ZNF468: variants seen among roughly 807,000 people sequenced by gnomAD.
ZNF468 encodes the protein zinc finger protein 468.
Under a neutral mutation model 7.2 loss-of-function variants are expected in ZNF468, and 8 were observed. The observed-to-expected ratio is 1.11, with a 90% confidence interval of 0.65 to 2.01. The LOEUF (loss-of-function observed/expected upper bound fraction) is 2.01, where lower values mean the gene tolerates loss of function less well. ZNF468 is among the 30% of genes most tolerant of loss of function. ZNF468 has a pLI of 0.00. For missense variants in ZNF468, 608 were observed against 626.5 expected (o/e 0.97, Z 0.31); for synonymous variants, 218 against 214.4 (o/e 1.02, Z -0.15).
intron 3 of ZNF468, among the ~76,000 whole-genome samples, chr19:52,843,479 T>C (rs776930456): frequency 1.3e-5 from 2 of 152,028 alleles, no homozygotes; most frequent in South Asian, 2.1e-4. Context: ...GTGATCCACA[T>C]GTCTTGGCCT....
chr19:52,854,238 C>T lies in ZNF468; in HGVS notation c.15+20G>A. 1 of 1,613,836 alleles carries T rather than the reference C, an allele frequency of 6.2e-7. No homozygotes were observed. The highest frequency in any genetic ancestry group is 8.5e-7 in the Non-Finnish European group (1 of 1,179,834). On this transcript the variant is annotated intron_variant, in intron 2 of 3. Coordinates refer to ENST00000595646, the MANE Select transcript of ZNF468 (RefSeq NM_001008801.2). ...CTGAAAGGAAGGAGACAGAACAATC[C>T]ACCGAGGATATCATCTCACCTGAGG...
chr19:52,851,141 T>A (rs2063386639), intron 2 of ZNF468, among the ~76,000 whole-genome samples: 1 of 151,990 alleles, frequency 6.6e-6, no homozygotes, highest in East Asian at 1.9e-4. Context: ...CCACGGGTGA[T>A]GGCACGTGAC....
At chr19:52,852,619 T>A (rs2063399401) in intron 2 of ZNF468, among the ~76,000 whole-genome samples, 1 of 151,170 alleles carries the variant, frequency 6.6e-6, no homozygotes, top group Non-Finnish European at 1.5e-5. Flanking sequence ...GATGTTGCAG[T>A]GAGCCGAGAT....
chr19:52,847,473 A>G (rs62117474), intron 3 of ZNF468, among the ~76,000 whole-genome samples: 11,092 of 136,208 alleles, frequency 0.081, 901 homozygotes, highest in African/African-American at 0.13. Context: ...ACCTGTAAAG[A>G]GCCTGTGCTG....
rs2063279725 is a variant in ZNF468, at chr19:52,839,877, C to G, written c.*848G>C. On this transcript the variant is annotated 3_prime_UTR_variant, in exon 4 of 4. Coordinates refer to ENST00000595646, the MANE Select transcript of ZNF468 (RefSeq NM_001008801.2). Reference sequence around the variant, plus strand: ...GCCACATTTATTACACTTGTAAGATCTCTTCACTGTGGATTCTCCAATGAT... The same window carrying G: ...GCCACATTTATTACACTTGTAAGATGTCTTCACTGTGGATTCTCCAATGAT... The G allele has an allele frequency of 1.3e-6, 1 of 748,968 alleles. No homozygotes were observed. Among genetic ancestry groups the G allele is most frequent in the Non-Finnish European group, 2.1e-6 (1 of 467,560 alleles). 46.4% of individuals were successfully genotyped at this position (748,968 alleles called of 1,614,324 possible).
At chr19:52,852,263 G>A (rs532627673) in intron 2 of ZNF468, among the ~76,000 whole-genome samples, 1 of 152,050 alleles carries the variant, frequency 6.6e-6, no homozygotes, top group Non-Finnish European at 1.5e-5. Context: ...CTACTTGAGA[G>A]TCTGAGGCAG....
chr19:52,857,375 C>G (rs867425277), intron 1 of ZNF468, among the ~76,000 whole-genome samples, 197 bp downstream of exon 1: 5 of 152,154 alleles, frequency 3.3e-5, no homozygotes, highest in African/African-American at 4.8e-5. Flanking sequence ...CAGAAAGACC[C>G]GGGACGGGAC....
At chr19:52,853,800 A>G in intron 2 of ZNF468, 2 of 1,135,300 alleles carry the variant, frequency 1.8e-6, no homozygotes, top group Non-Finnish European at 2.2e-6. Flanking sequence ...AACTCACTCC[A>G]TTACCTAAAA....
intron 2 of ZNF468, among the ~76,000 whole-genome samples, chr19:52,852,339 C>T (rs1600531758): frequency 2.0e-5 from 3 of 151,870 alleles, no homozygotes; most frequent in Admixed American, 2.0e-4. Flanking sequence ...ATACTCCAAC[C>T]TGGGCAACAA....
At position 52,841,294 on chromosome 19, in the gene ZNF468, C is replaced by A. The variant is rs768804334; in HGVS notation, c.1000G>T (p.Glu334Ter). The A allele has an allele frequency of 6.9e-6, 11 of 1,605,196 alleles. No individual in the cohort carries two copies. The South Asian group carries it at 9.9e-5, about 14-fold the overall frequency. ...EKPYKCKVCDEAFAYNSYLAK... is the reference protein window; with the variant it reads ...EKPYKCKVCD ...AGATATGAATTATATGCGAAAGCCT[C>A]ATCACAAACCTTACATTTGTATGGT... Residue 334 changes from glutamate to a stop codon, truncating the protein, a stop_gained, in exon 4 of 4, where the codon GAG (glutamate) becomes TAG (stop). Transcript: ENST00000595646. LOFTEE classifies it low-confidence loss of function (END_TRUNC).
chr19:52,848,760 A>C (rs958719406), intron 3 of ZNF468, among the ~76,000 whole-genome samples: 3 of 152,084 alleles, frequency 2.0e-5, no homozygotes, highest in African/African-American at 7.2e-5. Flanking sequence ...CATGTTGATC[A>C]TGCTGGTCTC....
chr19:52,847,600 T>C (rs552788656), intron 3 of ZNF468, among the ~76,000 whole-genome samples: 85 of 152,242 alleles, frequency 5.6e-4, no homozygotes, highest in African/African-American at 1.9e-3. Flanking sequence ...TTCCCATTCA[T>C]TCTCTTCTGA....
intron 1 of ZNF468, among the ~76,000 whole-genome samples, chr19:52,857,359 C>A (rs1469839083): frequency 6.6e-6 from 1 of 152,244 alleles, no homozygotes; most frequent in Non-Finnish European, 1.5e-5. Context: ...ATACATTGCC[C>A]TATGGCAGAA....
chr19:52,842,223 C>G (rs2147726954), intron 3 of ZNF468, 72 bp from the exon 4 acceptor site: 2 of 1,297,090 alleles, frequency 1.5e-6, no homozygotes, highest in East Asian at 5.0e-5. Context: ...GTGTAAATAT[C>G]ACAGAAAAAA....
chr19:52,841,308 C>T lies in ZNF468; in HGVS notation c.986G>A (p.Cys329Tyr), dbSNP rs201855487. 6.2e-7 allele frequency: 1 copy of T among 1,613,838 alleles called. No individual in the cohort carries two copies. The highest frequency in any genetic ancestry group is 2.2e-5 in the East Asian group (1 of 44,846). Residue 329 changes from cysteine (C) to tyrosine (Y), a missense_variant, in exon 4 of 4, where the codon TGT becomes TAT. Transcript: ENST00000595646. ...TGCGAAAGCCTCATCACAAACCTTA[C>T]ATTTGTATGGTTTCTCTCCAGTATG... ...RIHTGEKPYK[C>Y]KVCDEAFAYN...
intron 2 of ZNF468, among the ~76,000 whole-genome samples, chr19:52,849,825 C>A (rs2063371401): frequency 6.6e-6 from 1 of 151,852 alleles, no homozygotes; most frequent in Non-Finnish European, 1.5e-5. Flanking sequence ...GATGGCTTGA[C>A]CCTGAGGGTG....
At chr19:52,845,531 G>A (rs1695142303) in intron 3 of ZNF468, among the ~76,000 whole-genome samples, 1 of 151,874 alleles carries the variant, frequency 6.6e-6, no homozygotes. Context: ...TAGTGGTGCA[G>A]GCCTGTAGTC....
At position 52,840,937 on chromosome 19, in the gene ZNF468, G is replaced by A; in HGVS notation, c.1357C>T (p.His453Tyr). The A allele has an allele frequency of 6.2e-7, 1 of 1,613,604 alleles. No individual in the cohort carries two copies. The highest frequency in any genetic ancestry group is 8.5e-7 in the Non-Finnish European group (1 of 1,179,856). The change falls in exon 4 of 4, where the codon CAC becomes TAC. Residue 453 changes from histidine (H) to tyrosine (Y), a missense_variant. His to Tyr is a moderately conservative substitution (Grantham distance 83, BLOSUM62 2). Coordinates refer to ENST00000595646, the MANE Select transcript of ZNF468 (RefSeq NM_001008801.2). ...VCDKAFQRDS[H>Y]LAQHQRVHTG... ...TGAACTCTCTGATGTTGTGCCAGGT[G>A]TGAATCCCTCTGGAAAGCCTTGTCA...
At chr19:52,853,013 C>A (rs2063403253) in intron 2 of ZNF468, among the ~76,000 whole-genome samples, 2 of 151,776 alleles carry the variant, frequency 1.3e-5, no homozygotes, top group Admixed American at 6.6e-5. Flanking sequence ...CACCACCACA[C>A]CCGGCTAATT....
Sources: allele counts gnomAD v4.1 joint callset (sites outside exome capture counted in the v4.1 genomes callset), GRCh38; gene constraint gnomAD v4.1.1; transcripts MANE v1.5; gene names NCBI Gene and HGNC (gene_info 2026-07-23, HGNC 2026-07-21).